The following MYOCOS variants were observed in gnomAD, a reference collection of about 807,000 sequenced individuals.
MYOCOS encodes the protein myocilin opposite strand.
At chr1:171,620,013 A>G (rs1258178550), upstream of MYOCOS, among the ~76,000 whole-genome samples, 4 of 149,864 alleles carry the variant, frequency 2.7e-5, no homozygotes, top group East Asian at 1.9e-4. Context: ...CAGCTTGCAG[A>G]CAGCCTGTGG....
At chr1:171,615,065 A>G (rs1233025059) in intron 2 of MYOCOS, 5 of 152,296 alleles carry the variant, frequency 3.3e-5, no homozygotes, top group Non-Finnish European at 5.9e-5. Flanking sequence ...GGCAGATTGT[A>G]TCAGACCTTG....
chr1:171,618,565 T>G (rs957532702), upstream of MYOCOS, among the ~76,000 whole-genome samples: 1 of 151,464 alleles, frequency 6.6e-6, no homozygotes, highest in Non-Finnish European at 1.5e-5. Context: ...TCCTTTTTGT[T>G]TGTTTGTTTG....
At chr1:171,624,869 C>T (rs1652662914) in intron 2 of MYOCOS, among the ~76,000 whole-genome samples, 1 of 152,070 alleles carries the variant, frequency 6.6e-6, no homozygotes, top group African/African-American at 2.4e-5. Context: ...CAGATGAGAG[C>T]CACTGTGCCT....
chr1:171,620,529 A>T (rs1652541897), upstream of MYOCOS, among the ~76,000 whole-genome samples: 2 of 152,124 alleles, frequency 1.3e-5, no homozygotes, highest in South Asian at 4.1e-4. Context: ...TCTGAATAGG[A>T]AACATTTGTC....
At chr1:171,601,580 C>T (rs1227376951) in intron 1 of MYOCOS, among the ~76,000 whole-genome samples, 1 of 152,032 alleles carries the variant, frequency 6.6e-6, no homozygotes, top group Non-Finnish European at 1.5e-5. Context: ...ACTATGGAGT[C>T]ACTATGACTC....
At chr1:171,620,730 C>G (rs1652546597), upstream of MYOCOS, among the ~76,000 whole-genome samples, 1 of 151,830 alleles carries the variant, frequency 6.6e-6, no homozygotes, top group Non-Finnish European at 1.5e-5. Flanking sequence ...TTTGAGTTGT[C>G]CTGTCTTTCT....
chr1:171,621,401 A>T (rs190860364), upstream of MYOCOS, among the ~76,000 whole-genome samples: 189 of 107,932 alleles, frequency 1.8e-3, no homozygotes, highest in Admixed American at 3.0e-3. Flanking sequence ...TTTGAGACGT[A>T]GTCTCACTCT....
chr1:171,607,019 G>A (rs1652256519), intron 1 of MYOCOS, among the ~76,000 whole-genome samples: 1 of 150,770 alleles, frequency 6.6e-6, no homozygotes, highest in African/African-American at 2.4e-5. Context: ...TCTTGAACCT[G>A]GGAGGCAGAG....
chr1:171,623,910 C>T lies in MYOCOS; in HGVS notation c.27C>T (p.Asn9=). 1 of 398,550 alleles carries T rather than the reference C, an allele frequency of 2.5e-6. No individual in the cohort carries two copies. The highest frequency in any genetic ancestry group is 4.4e-6 in the Non-Finnish European group (1 of 226,064). The allele number at this position is 398,550 out of a possible 1,614,324, so 24.7% of individuals were successfully genotyped here. The part of the protein sequence containing the change: MAQKSLAN[N]SINLPYKDLT... ...TGGCTCAGAAAAGCCTTGCAAACAA[C>T]AGCATTAATCTCCCCTACAAGGACT... The change falls in exon 2 of 3, where the codon AAC becomes AAT. Residue 9 remains asparagine, a synonymous_variant. Coordinates refer to ENST00000637642, the MANE Select transcript of MYOCOS (RefSeq NM_001391940.1).
intron 1 of MYOCOS, among the ~76,000 whole-genome samples, chr1:171,602,786 C>A (rs1652168168): frequency 6.6e-6 from 1 of 152,020 alleles, no homozygotes; most frequent in South Asian, 2.1e-4. Context: ...TTTCTTTGGT[C>A]TAAAAACTAA....
chr1:171,616,657 T>C (rs1652455400), intron 2 of MYOCOS, among the ~76,000 whole-genome samples: 1 of 152,144 alleles, frequency 6.6e-6, no homozygotes, highest in Non-Finnish European at 1.5e-5. Context: ...TACATGTTTA[T>C]TGTTTATATT....
intron 1 of MYOCOS, among the ~76,000 whole-genome samples, chr1:171,605,343 T>C (rs1652221841): frequency 1.3e-5 from 2 of 148,862 alleles, no homozygotes; most frequent in Admixed American, 6.8e-5. Context: ...GATGACTTAG[T>C]TGCCTAAGAC....
intron 1 of MYOCOS, among the ~76,000 whole-genome samples, chr1:171,603,288 G>A (rs1652179009): frequency 1.3e-5 from 2 of 152,200 alleles, no homozygotes; most frequent in Non-Finnish European, 2.9e-5. Context: ...CAAATGTGTG[G>A]TGGTATTCTG....
intron 1 of MYOCOS, among the ~76,000 whole-genome samples, chr1:171,610,488 G>A (rs183533): frequency 3.3e-5 from 5 of 152,136 alleles, no homozygotes; most frequent in African/African-American, 1.2e-4. Flanking sequence ...AGGCTGGGAA[G>A]TCCAGGAGCA....
intron 1 of MYOCOS, among the ~76,000 whole-genome samples, chr1:171,613,853 C>T (rs1295422804): frequency 1.3e-5 from 2 of 150,834 alleles, no homozygotes; most frequent in Non-Finnish European, 2.9e-5. Context: ...TTATCCTCAG[C>T]TTTTACTGCC....
At chr1:171,604,846 G>C (rs2102931870) in intron 1 of MYOCOS, among the ~76,000 whole-genome samples, 1 of 152,198 alleles carries the variant, frequency 6.6e-6, no homozygotes, top group South Asian at 2.1e-4. Context: ...AAAAGGAAAA[G>C]GCAGCCCCTC....
chr1:171,621,566 G>C (rs571841349), upstream of MYOCOS, among the ~76,000 whole-genome samples: 1 of 151,998 alleles, frequency 6.6e-6, no homozygotes, highest in African/African-American at 2.4e-5. Flanking sequence ...TAGTAGAGAC[G>C]GGGTTTCGCC....
At chr1:171,615,971 G>A (rs1572204055) in intron 2 of MYOCOS, among the ~76,000 whole-genome samples, 1 of 152,070 alleles carries the variant, frequency 6.6e-6, no homozygotes, top group Admixed American at 6.6e-5. Flanking sequence ...TAATCCCAGG[G>A]CTTTGGGAGG....
At chr1:171,605,401 AAAAAAAC>A (rs1652226938) in intron 1 of MYOCOS, among the ~76,000 whole-genome samples, 1 of 150,872 alleles carries the variant, frequency 6.6e-6, no homozygotes, top group African/African-American at 2.5e-5. Flanking sequence ...ACACAAAAAA[AAAAAAAC>A]AGTTACATGA....
Sources: gnomAD v4.1 joint callset for allele counts (sites outside exome capture counted in the v4.1 genomes callset) on GRCh38, gnomAD v4.1.1 for gene constraint, MANE v1.5 for transcripts, NCBI Gene and HGNC (gene_info 2026-07-23, HGNC 2026-07-21) for gene names.